A1CF: variants seen among roughly 807,000 people sequenced by gnomAD.
A1CF encodes the protein APOBEC-1 stimulating protein.
A neutral mutation model predicts 68.9 loss-of-function variants in A1CF; 48 were observed. That is an observed-to-expected ratio of 0.70 (90% CI 0.55 to 0.89). The LOEUF (loss-of-function observed/expected upper bound fraction) is 0.89, where lower values mean the gene tolerates loss of function less well. Ranked by LOEUF, A1CF falls within the 40% of genes least tolerant of loss-of-function variation. The pLI, the probability that A1CF is intolerant of heterozygous loss-of-function variation, is 0.00. For synonymous variants in A1CF, 272 were observed against 260.4 expected, an observed-to-expected ratio of 1.04 and a Z score of -0.43; for missense variants, 653 against 718.9, an observed-to-expected ratio of 0.91 and a Z score of 1.05.
rs190980677 is a variant in A1CF, at chr10:50,842,153, T to G, written c.235-161A>C. The stretch of plus-strand genomic sequence containing the variant: ...CATTTGCATCCCATGTGGAATGGTT[T>G]GCATATTTTCATGTGGGTTCAGATC... On this transcript the variant is annotated intron_variant, in intron 4 of 12. Coordinates refer to ENST00000373997, the MANE Select transcript of A1CF (RefSeq NM_014576.4). Among the ~76,000 whole-genome samples, 29 of 152,360 alleles carry G rather than the reference T, an allele frequency of 1.9e-4. No individual in the cohort carries two copies. In the East Asian group the frequency reaches 5.6e-3, roughly 29 times the overall value.
chr10:50,853,750 ATTTT>A (rs11344383), intron 3 of A1CF, among the ~76,000 whole-genome samples: 1 of 141,454 alleles, frequency 7.1e-6, no homozygotes. Flanking sequence ...GGAGTCAGCA[ATTTT>A]TTTTTTTTTT....
chr10:50,838,662 A>C (rs143589399), intron 5 of A1CF, among the ~76,000 whole-genome samples: 1 of 152,218 alleles, frequency 6.6e-6, no homozygotes, highest in African/African-American at 2.4e-5. Context: ...TATCTGATGA[A>C]GTAGAAGCTG....
At chr10:50,819,245 C>G (rs1019404745) in intron 8 of A1CF, among the ~76,000 whole-genome samples, 1 of 152,146 alleles carries the variant, frequency 6.6e-6, no homozygotes, top group Non-Finnish European at 1.5e-5. Flanking sequence ...CCCACCTCAG[C>G]CCCCGGAGTA....
Position 50,804,631 on chromosome 10 carries a change from T to C in A1CF, c.*2098A>G, listed in dbSNP as rs1303748082. 3 of 152,196 alleles carry C rather than the reference T, an allele frequency of 2.0e-5. No individual in the cohort carries two copies. The highest frequency in any genetic ancestry group is 4.4e-5 in the Non-Finnish European group (3 of 68,028). The allele number at this position is 152,196 out of a possible 1,614,324, so 9.4% of individuals were successfully genotyped here. A position where few individuals can be genotyped will look rare whatever the true frequency, so the allele number is the denominator to read the frequency against. ...GTTTTAGGACAAGATTGTTTTACTT[T>C]CTCATTTTTAGAGTTAGTTTGAAGC... is the stretch of plus-strand genomic sequence containing the variant. On this transcript the variant is annotated 3_prime_UTR_variant, in exon 13 of 13. Coordinates refer to ENST00000373997, the MANE Select transcript of A1CF (RefSeq NM_014576.4).
At chr10:50,874,613 C>G (rs758817811) in intron 1 of A1CF, among the ~76,000 whole-genome samples, 1 of 152,176 alleles carries the variant, frequency 6.6e-6, no homozygotes, top group Non-Finnish European at 1.5e-5. Context: ...TTAAATCTCT[C>G]CTTCCTCTTT....
intron 1 of A1CF, among the ~76,000 whole-genome samples, chr10:50,875,780 T>C (rs1045342685): frequency 2.6e-5 from 4 of 152,192 alleles, no homozygotes; most frequent in Non-Finnish European, 5.9e-5. Context: ...TACTACCCTC[T>C]AGGCATGGCA....
intron 3 of A1CF, among the ~76,000 whole-genome samples, chr10:50,859,330 T>A (rs1180920164): frequency 6.6e-6 from 1 of 152,184 alleles, no homozygotes; most frequent in Non-Finnish European, 1.5e-5. Flanking sequence ...CTTTTTTCCT[T>A]TTACAAAATG....
At chr10:50,855,613 C>T (rs1294387328) in intron 3 of A1CF, among the ~76,000 whole-genome samples, 1 of 151,894 alleles carries the variant, frequency 6.6e-6, no homozygotes, top group Non-Finnish European at 1.5e-5. Context: ...CCCTTAGAAG[C>T]AGGCATTATT....
rs1270787523 is a variant in A1CF, at chr10:50,813,964, T to C, written c.1216A>G (p.Lys406Glu). ...YTGLGRGYQV[K>E]GDKREDKLYD... is the part of the protein sequence containing the mutation. The stretch of plus-strand genomic sequence containing the variant: ...AGTTTGTCTTCTCTTTTGTCTCCTT[T>C]GACCTGGTATCCTCGACCCAGGCCT... The change falls in exon 10 of 13, where the codon AAA becomes GAA. Residue 406 changes from lysine to glutamate, a missense_variant. Lys to Glu is a moderately conservative substitution (Grantham distance 56). Coordinates refer to ENST00000373997, the MANE Select transcript of A1CF (RefSeq NM_014576.4). 1 of 1,613,830 alleles carries C rather than the reference T, an allele frequency of 6.2e-7. No individual in the cohort carries two copies. The highest frequency in any genetic ancestry group is 8.5e-7 in the Non-Finnish European group (1 of 1,179,876).
At chr10:50,837,151 C>A (rs952030053) in intron 5 of A1CF, among the ~76,000 whole-genome samples, 1 of 152,204 alleles carries the variant, frequency 6.6e-6, no homozygotes, top group East Asian at 1.9e-4. Context: ...ATCTGCCCCA[C>A]ACAAAAAGAC....
chr10:50,875,670 T>G (rs1487384818), intron 1 of A1CF, among the ~76,000 whole-genome samples: 1 of 152,182 alleles, frequency 6.6e-6, no homozygotes, highest in Non-Finnish European at 1.5e-5. Context: ...CCTTACCTGT[T>G]GCCCTCTCTA....
intron 10 of A1CF, among the ~76,000 whole-genome samples, chr10:50,812,393 G>A (rs1458190214): frequency 6.6e-6 from 1 of 152,064 alleles, no homozygotes; most frequent in Admixed American, 6.5e-5. Context: ...AGTTGTAGAA[G>A]GTCAGACACA....
In A1CF at chr10:50,879,550, A is replaced by G. The variant is rs559953732; in HGVS notation, c.-94+6031T>C. 2.0e-5 allele frequency among the ~76,000 whole-genome samples: 3 copies of G among 152,290 alleles called. No individual in the cohort carries two copies. In the East Asian group the frequency reaches 5.8e-4, roughly 29 times the overall value. ...GGGAGGCCTCAGGAAACTCACAATC[A>G]TGGTGGAAGGCAAAGGGGAAGCAAG... On this transcript the variant is annotated intron_variant, in intron 1 of 12. Transcript: ENST00000373997.
intron 4 of A1CF, 98 bp downstream of exon 4, chr10:50,843,890 A>G (rs1488294045): frequency 7.1e-6 from 10 of 1,414,762 alleles, no homozygotes; most frequent in African/African-American, 1.4e-5. Flanking sequence ...GAATGGAAAC[A>G]GCCACTGACC....
chr10:50,880,573 C>T lies in A1CF; in HGVS notation c.-94+5008G>A, dbSNP rs79875469. ...TGAGATGAACATCTATATGTGCCAA[C>T]ACAGTTTTCCCCCCATGGAACCTGA... On this transcript the variant is annotated intron_variant, in intron 1 of 12. Coordinates refer to ENST00000373997, the MANE Select transcript of A1CF (RefSeq NM_014576.4). Among the ~76,000 whole-genome samples, 953 of 152,302 alleles carry T rather than the reference C, an allele frequency of 6.3e-3. 4 individuals are homozygous for T. The highest frequency in any genetic ancestry group is 9.7e-3 in the Admixed American group (148 of 15,300).
At chr10:50,808,211 G>A (rs1459237357) in intron 12 of A1CF, among the ~76,000 whole-genome samples, 1 of 152,130 alleles carries the variant, frequency 6.6e-6, no homozygotes, top group Non-Finnish European at 1.5e-5. Flanking sequence ...GTTTCAAACT[G>A]ATTCTTCCCT....
chr10:50,868,186 T>G lies in A1CF; in HGVS notation c.-93-4106A>C, dbSNP rs191883258. Among the ~76,000 whole-genome samples, 28 of 152,318 alleles carry G rather than the reference T, an allele frequency of 1.8e-4. No homozygotes were observed. In the East Asian group the frequency reaches 5.0e-3, roughly 27 times the overall value. On this transcript the variant is annotated intron_variant, in intron 1 of 12. Transcript: ENST00000373997. ...TAACATGCAAGTTGTACAAGTGGTT[T>G]TAGCACGAATTTCAGCCCTTGAGTA...
In A1CF at chr10:50,804,533, T is replaced by G. The variant is rs1004831478; in HGVS notation, c.*2196A>C. ...TTTGCCTGCCCCAATGGACATTTGT[T>G]ATGTCAATGTAATCACTGTCTTTGA... On this transcript the variant is annotated 3_prime_UTR_variant, in exon 13 of 13. Transcript: ENST00000373997. 3 of 152,188 alleles carry G rather than the reference T, an allele frequency of 2.0e-5. No homozygotes were observed. Among genetic ancestry groups the G allele is most frequent in the Non-Finnish European group, 4.4e-5 (3 of 68,014 alleles). The allele number at this position is 152,188 out of a possible 1,614,324, so 9.4% of individuals were successfully genotyped here. A position where few individuals can be genotyped will look rare whatever the true frequency, so the allele number is the denominator to read the frequency against.
chr10:50,811,541 T>C (rs1048695592), intron 10 of A1CF, among the ~76,000 whole-genome samples: 2 of 152,250 alleles, frequency 1.3e-5, no homozygotes, highest in African/African-American at 4.8e-5. Flanking sequence ...TCATTATTAC[T>C]CTCAATCTCT....
Sources: gnomAD v4.1 joint callset for allele counts (sites outside exome capture counted in the v4.1 genomes callset) on GRCh38, gnomAD v4.1.1 for gene constraint, MANE v1.5 for transcripts, NCBI Gene and HGNC (gene_info 2026-07-23, HGNC 2026-07-21) for gene names.